Variants in RGS10 observed in about 807,000 individuals in gnomAD.
RGS10 encodes the protein regulator of G-protein signalling 10.
RGS10 carries 11 observed loss-of-function variants against 23.5 expected under a neutral mutation model. That is an observed-to-expected ratio of 0.47 (90% CI 0.29 to 0.77). The LOEUF (loss-of-function observed/expected upper bound fraction) is 0.77, where lower values mean the gene tolerates loss of function less well. RGS10 is among the 30% of genes least tolerant of loss of function. The pLI is 0.08. For missense variants in RGS10, 180 were observed against 226.3 expected (o/e 0.80, Z 1.31); for synonymous variants, 77 against 83.2 (o/e 0.92, Z 0.41).
chr10:119,531,989 C>A (rs925500406), intron 1 of RGS10, among the ~76,000 whole-genome samples: 17 of 152,192 alleles, frequency 1.1e-4, no homozygotes, highest in Admixed American at 2.6e-4. Flanking sequence ...TATTGGTTTT[C>A]TGGCTATGGT....
chr10:119,536,437 T>A (rs764600931), intron 1 of RGS10: 288 of 1,610,648 alleles, frequency 1.8e-4, no homozygotes, highest in Non-Finnish European at 2.4e-4. Context: ...ACTGCGGACA[T>A]GGAAAGGGGT....
chr10:119,536,335 A>C (rs931466647), intron 1 of RGS10: 1 of 740,408 alleles, frequency 1.4e-6, no homozygotes, highest in African/African-American at 1.8e-5. Context: ...AAGTGCTCCT[A>C]CTGGCCCTTC....
In RGS10 at chr10:119,538,177, G is replaced by T. The variant is rs1844406587; in HGVS notation, c.49+4413C>A. On this transcript the variant is annotated intron_variant, in intron 1 of 4. Transcript: ENST00000369103. This position sits in a 1 kb window ranked among gnomAD's most constrained non-coding sequence, Gnocchi z 4.5. ...GGGAGGGAGGGAGTGGAGGAGAGAG[G>T]GATGGAGGAAGGGAGGAAAGTTGTC... is the stretch of plus-strand genomic sequence containing the variant. Among the ~76,000 whole-genome samples, 2 of 152,116 alleles carry T rather than the reference G, an allele frequency of 1.3e-5. No homozygotes were observed. Among genetic ancestry groups the T allele is most frequent in the African/African-American group, 4.8e-5 (2 of 41,406 alleles).
intron 1 of RGS10, among the ~76,000 whole-genome samples, chr10:119,540,215 C>T (rs1844423979): frequency 6.6e-6 from 1 of 151,202 alleles, no homozygotes; most frequent in South Asian, 2.1e-4. Context: ...AGTGGCTGAT[C>T]TTCCTTCCTT....
At chr10:119,526,939 T>C (rs934225357) in intron 2 of RGS10, among the ~76,000 whole-genome samples, 1 of 152,008 alleles carries the variant, frequency 6.6e-6, no homozygotes, top group Non-Finnish European at 1.5e-5. Context: ...CTGTCAACAA[T>C]GCATTCTGAG....
intron 3 of RGS10, 120 bp from the exon 4 acceptor site, chr10:119,515,772 C>T (rs892989069): frequency 4.1e-6 from 5 of 1,222,622 alleles, no homozygotes; most frequent in Admixed American, 2.4e-5. Context: ...GCACCCCCCA[C>T]AGCCCAGGGG....
chr10:119,533,905 A>G (rs1844357284), intron 1 of RGS10, among the ~76,000 whole-genome samples: 2 of 152,042 alleles, frequency 1.3e-5, no homozygotes, highest in Non-Finnish European at 2.9e-5. Context: ...CAAAATACGT[A>G]TTTTTCAGCA....
At chr10:119,534,946 GT>G (rs1844372506) in intron 1 of RGS10, among the ~76,000 whole-genome samples, 1 of 152,028 alleles carries the variant, frequency 6.6e-6, no homozygotes, top group Non-Finnish European at 1.5e-5. Context: ...GCTGGGTACC[GT>G]TCCAAGCTTT....
chr10:119,539,637 G>A (rs536058198), intron 1 of RGS10, among the ~76,000 whole-genome samples: 22 of 152,178 alleles, frequency 1.4e-4, no homozygotes, highest in Non-Finnish European at 3.2e-4. Flanking sequence ...TCTGGGCAAG[G>A]CCTGAGAAGC....
chr10:119,540,920 G>A (rs1326330619), intron 1 of RGS10, among the ~76,000 whole-genome samples: 1 of 152,212 alleles, frequency 6.6e-6, no homozygotes, highest in African/African-American at 2.4e-5. Flanking sequence ...CTTTGCAGGT[G>A]GAGAAAGGTG....
rs750430968 is a variant in RGS10, at chr10:119,527,450, A to G, written c.50-26T>C. On this transcript the variant is annotated intron_variant, in intron 1 of 4. Transcript: ENST00000369103. This position sits in a 1 kb window ranked among gnomAD's most constrained non-coding sequence, Gnocchi z 4.2. ...CTGCAAAGCAAAGTTCAGACTGCAT[A>G]TGTGGCCAACAGACACTGTCATTTT... 26 of 1,557,438 alleles carry G rather than the reference A, an allele frequency of 1.7e-5. No homozygotes were observed. The highest frequency in any genetic ancestry group is 6.7e-5 in the Admixed American group (4 of 59,844).
intron 4 of RGS10, among the ~76,000 whole-genome samples, chr10:119,504,810 T>A (rs939359623): frequency 1.3e-5 from 2 of 152,112 alleles, no homozygotes; most frequent in Non-Finnish European, 2.9e-5. Context: ...GTCTGTAAGC[T>A]GAAGGGGCAA....
chr10:119,527,297 A>G lies in RGS10; in HGVS notation c.168+9T>C, dbSNP rs1305100508. The G allele has an allele frequency of 6.2e-7, 1 of 1,603,734 alleles. No homozygotes were observed. Among genetic ancestry groups the G allele is most frequent in the Non-Finnish European group, 8.5e-7 (1 of 1,171,054 alleles). On this transcript the variant is annotated intron_variant, in intron 2 of 4. Transcript: ENST00000369103. The surrounding 1 kb of genome is among the most constrained non-coding windows in gnomAD (Gnocchi z 4.2). ...GCATCCATCCCGATTAACAATGAAA[A>G]AGACAAACCCTAAATCTTTTCACGC...
intron 1 of RGS10, 58 bp downstream of exon 1, chr10:119,542,532 G>T: frequency 7.4e-7 from 1 of 1,346,852 alleles, no homozygotes. Flanking sequence ...AGGGCAGGAG[G>T]CCGGGCGGGC....
chr10:119,521,985 G>A (rs996635287), intron 3 of RGS10, among the ~76,000 whole-genome samples: 5 of 152,176 alleles, frequency 3.3e-5, no homozygotes, highest in African/African-American at 9.7e-5. Flanking sequence ...AGTCATTCTG[G>A]AGGGAAGAAG....
chr10:119,531,653 T>G (rs1844330677), intron 1 of RGS10, among the ~76,000 whole-genome samples: 1 of 152,188 alleles, frequency 6.6e-6, no homozygotes, highest in African/African-American at 2.4e-5. Context: ...CACCTCATTT[T>G]ATAGACTGGG....
At chr10:119,514,081 C>A (rs1447249681) in intron 4 of RGS10, among the ~76,000 whole-genome samples, 1 of 152,220 alleles carries the variant, frequency 6.6e-6, no homozygotes, top group African/African-American at 2.4e-5. Context: ...TAGGGCCAGG[C>A]GTGGTGGCTC....
intron 4 of RGS10, among the ~76,000 whole-genome samples, chr10:119,511,757 A>G (rs1844078656): frequency 6.6e-6 from 1 of 152,144 alleles, no homozygotes; most frequent in Non-Finnish European, 1.5e-5. Flanking sequence ...CAGCACAGGG[A>G]TGCCCATGGT....
At chr10:119,512,241 G>C (rs1844086879) in intron 4 of RGS10, among the ~76,000 whole-genome samples, 1 of 152,204 alleles carries the variant, frequency 6.6e-6, no homozygotes, top group Non-Finnish European at 1.5e-5. Flanking sequence ...AGCCGCGGGA[G>C]AGGCTTTTGA....
Sources: allele counts gnomAD v4.1 joint callset (sites outside exome capture counted in the v4.1 genomes callset), GRCh38; gene constraint gnomAD v4.1.1; non-coding constraint Gnocchi (gnomAD v3.1); transcripts MANE v1.5; gene names NCBI Gene and HGNC (gene_info 2026-07-23, HGNC 2026-07-21).